TXLNB: variants seen among roughly 807,000 people sequenced by gnomAD.
TXLNB encodes beta-taxilin.
Under a neutral mutation model 57.4 loss-of-function variants are expected in TXLNB, and 37 were observed. That is an observed-to-expected ratio of 0.64 (90% confidence interval 0.50 to 0.85). TXLNB has a LOEUF of 0.85. Ranked by LOEUF, TXLNB falls within the 40% of genes least tolerant of loss-of-function variation. The pLI is 0.00. For synonymous variants in TXLNB, 302 were observed against 309.6 expected (o/e 0.98, Z 0.26); for missense variants, 848 against 825.6 (o/e 1.03, Z -0.33).
At chr6:139,213,334 C>T in the TXLNB span, among the ~76,000 whole-genome samples, 5 of 152,124 alleles carry the variant, frequency 3.3e-5, no homozygotes, top group South Asian at 2.1e-4. Context: ...CACTCAAAAC[C>T]GCTCAACTAC....
At chr6:139,303,530 T>C in the TXLNB span, among the ~76,000 whole-genome samples, 1 of 152,212 alleles carries the variant, frequency 6.6e-6, no homozygotes, top group Non-Finnish European at 1.5e-5. Flanking sequence ...CAAAAGTAAC[T>C]ATGTAGAAAA....
the TXLNB span, among the ~76,000 whole-genome samples, chr6:139,161,363 A>G: frequency 7.9e-5 from 12 of 152,262 alleles, no homozygotes; most frequent in East Asian, 2.3e-3. Flanking sequence ...ATAAACAAGC[A>G]GGGCTGGCAA....
At chr6:139,277,715 T>C (rs1776936334) in intron 2 of TXLNB, among the ~76,000 whole-genome samples, 1 of 150,160 alleles carries the variant, frequency 6.7e-6, no homozygotes. Context: ...TTGGAGTTTA[T>C]GCTACACTAA....
downstream of TXLNB, among the ~76,000 whole-genome samples, chr6:139,235,495 A>G (rs1775825916): frequency 6.6e-6 from 1 of 152,140 alleles, no homozygotes; most frequent in Non-Finnish European, 1.5e-5. Context: ...GGGCAGAATG[A>G]TATGGTTTGG....
rs1322642077 is a variant in TXLNB, at chr6:139,257,789, T to C, written c.1003-2151A>G. On this transcript the variant is annotated intron_variant, in intron 6 of 9. Transcript: ENST00000358430. ...ACCAAAAAAACTAACAATAAAATCA[T>C]TACTTTTAAAAACTGGAAAGCTTCT... Among the ~76,000 whole-genome samples, 3 of 152,342 alleles carry C rather than the reference T, an allele frequency of 2.0e-5. No homozygotes were observed. The East Asian group carries it at 5.8e-4, about 29-fold the overall frequency.
the TXLNB span, among the ~76,000 whole-genome samples, chr6:139,184,150 CA>C: frequency 6.6e-6 from 1 of 152,166 alleles, no homozygotes; most frequent in East Asian, 1.9e-4. Context: ...GTGTAATACA[CA>C]AACATGGAAG....
the TXLNB span, among the ~76,000 whole-genome samples, chr6:139,217,657 A>G: frequency 2.0e-5 from 3 of 152,048 alleles, no homozygotes; most frequent in Non-Finnish European, 2.9e-5. Flanking sequence ...TCACGAGCTC[A>G]GAAGATCGAG....
At chr6:139,303,450 A>G in the TXLNB span, among the ~76,000 whole-genome samples, 1 of 152,162 alleles carries the variant, frequency 6.6e-6, no homozygotes, top group Non-Finnish European at 1.5e-5. Context: ...GTTGCATGCT[A>G]TATACAAGGA....
the TXLNB span, among the ~76,000 whole-genome samples, chr6:139,188,833 C>T: frequency 6.7e-6 from 1 of 150,016 alleles, no homozygotes; most frequent in African/African-American, 2.5e-5. Context: ...CGGCTCACTG[C>T]AACCTCCACC....
At position 139,267,243 on chromosome 6, in the gene TXLNB, A is replaced by G. The variant is rs545433715; in HGVS notation, c.687+3213T>C. Among the ~76,000 whole-genome samples, 16 of 152,282 alleles carry G rather than the reference A, an allele frequency of 1.1e-4. No homozygotes were observed. In the South Asian group the frequency reaches 3.1e-3, roughly 30 times the overall value. On this transcript the variant is annotated intron_variant, in intron 4 of 9. Coordinates refer to ENST00000358430, the MANE Select transcript of TXLNB (RefSeq NM_153235.4). ...TAAAAGGGATATAGTTTTGCCTTTA[A>G]TTTAAGAAGAAATACATATTATTGT... is the stretch of plus-strand genomic sequence containing the variant.
At chr6:139,302,529 T>G in the TXLNB span, among the ~76,000 whole-genome samples, 4 of 150,378 alleles carry the variant, frequency 2.7e-5, no homozygotes, top group African/African-American at 9.8e-5. Context: ...TTTGGGAGGC[T>G]GAGGCGGGTG....
chr6:139,262,670 TG>T lies in TXLNB; in HGVS notation c.790del (p.Gln264ArgfsTer6). 6.2e-7 allele frequency: 1 copy of T among 1,614,234 alleles called. No individual in the cohort carries two copies. Among genetic ancestry groups the T allele is most frequent in the Admixed American group, 1.7e-5 (1 of 60,026 alleles). ...LTDIQGQIEQ[Q>X]SERNMKLCQE... ...ACAGAGCTTCATATTTCGCTCACTC[TG>T]CTGCTCGATCTGGCCCTGGATGTCC... is the stretch of plus-strand genomic sequence containing the variant. On this transcript the variant is annotated frameshift_variant, in exon 5 of 10. Transcript: ENST00000358430. LOFTEE classifies it high-confidence loss of function.
chr6:139,323,158 T>C, the TXLNB span, among the ~76,000 whole-genome samples: 2 of 152,220 alleles, frequency 1.3e-5, no homozygotes, highest in Non-Finnish European at 2.9e-5. Flanking sequence ...GGAAATCATT[T>C]TGTTGGTGTT....
Position 139,242,922 on chromosome 6 carries a change from C to G in TXLNB, c.1659G>C (p.Glu553Asp). 1 of 1,614,144 alleles carries G rather than the reference C, an allele frequency of 6.2e-7. No homozygotes were observed. The change falls in exon 10 of 10, where the codon GAG becomes GAC. Residue 553 changes from glutamate to aspartate, a missense_variant. Transcript: ENST00000358430. ...GAGGAGTTAGGGGAGGCAGGGGACT[C>G]TCTGAATCCCGTGAAGGGATCAGAG... is the stretch of plus-strand genomic sequence containing the variant. Reference protein sequence around the residue: ...QPPLIPSRDSESPLPPLTPQA... With the variant: ...QPPLIPSRDSDSPLPPLTPQA...
intron 5 of TXLNB, among the ~76,000 whole-genome samples, 184 bp downstream of exon 5, chr6:139,262,395 T>C (rs1488172276): frequency 6.6e-6 from 1 of 152,226 alleles, no homozygotes; most frequent in East Asian, 1.9e-4. Context: ...AGAAATCCCA[T>C]ATGACTTTCA....
At chr6:139,319,090 G>A in the TXLNB span, among the ~76,000 whole-genome samples, 78 of 151,620 alleles carry the variant, frequency 5.1e-4, 1 homozygote, top group South Asian at 0.014. Context: ...CTACAGGCAC[G>A]CACCATCATG....
the TXLNB span, among the ~76,000 whole-genome samples, chr6:139,165,460 T>A: frequency 3.9e-5 from 6 of 152,298 alleles, no homozygotes; most frequent in Admixed American, 6.5e-5. Context: ...GTATTGTACA[T>A]CCTGTGGATT....
Position 139,241,650 on chromosome 6 carries a change from G to T in TXLNB, c.*876C>A, listed in dbSNP as rs147422331. ...AGTGTAGGAGAAGCAGCTCCAAGAG[G>T]TGAGCTTGTGTTTCTCTTTTCTGTT... On this transcript the variant is annotated 3_prime_UTR_variant, in exon 10 of 10. Coordinates refer to ENST00000358430, the MANE Select transcript of TXLNB (RefSeq NM_153235.4). 1.3e-5 allele frequency: 2 copies of T among 152,234 alleles called. No individual in the cohort carries two copies. Among genetic ancestry groups the T allele is most frequent in the African/African-American group, 4.8e-5 (2 of 41,442 alleles). 9.4% of individuals were successfully genotyped at this position (152,234 alleles called of 1,614,324 possible).
chr6:139,286,504 C>G (rs182602680), intron 2 of TXLNB, among the ~76,000 whole-genome samples: 1 of 151,668 alleles, frequency 6.6e-6, no homozygotes, highest in African/African-American at 2.4e-5. Flanking sequence ...GGAGAGTGAC[C>G]GGACCGTTCA....
Sources: allele counts gnomAD v4.1 joint callset (sites outside exome capture counted in the v4.1 genomes callset), GRCh38; gene constraint gnomAD v4.1.1; transcripts MANE v1.5; gene names NCBI Gene and HGNC (gene_info 2026-07-23, HGNC 2026-07-21).